ANKFN1: variants seen among roughly 807,000 people sequenced by gnomAD.
ANKFN1 encodes the protein ankyrin repeat and fibronectin type-III domain-containing protein 1.
In ANKFN1, 74 loss-of-function variants were observed where a neutral mutation model predicts 108.7. The ratio of observed to expected loss-of-function variants is 0.68; its 90% confidence interval spans 0.56 to 0.83. The LOEUF is 0.83. ANKFN1 is among the 40% of genes least tolerant of loss of function. The probability of loss-of-function intolerance (pLI) is 0.00; values close to 1 mark genes in which losing one functional copy is unlikely to be tolerated. For missense variants in ANKFN1, 1,505 were observed against 1,382.3 expected (o/e 1.09, Z -1.41); for synonymous variants, 547 against 516.2 (o/e 1.06, Z -0.81).
chr17:56,438,622 C>T (rs2048999993), intron 8 of ANKFN1, among the ~76,000 whole-genome samples: 1 of 152,094 alleles, frequency 6.6e-6, no homozygotes, highest in Non-Finnish European at 1.5e-5. Flanking sequence ...TGCAGTGGTA[C>T]AATCACAACT....
chr17:56,316,509 G>A (rs1378165976), intron 3 of ANKFN1, among the ~76,000 whole-genome samples: 2 of 152,050 alleles, frequency 1.3e-5, no homozygotes, highest in South Asian at 2.1e-4. Flanking sequence ...TGGAAAATAC[G>A]GAAGGCTTCT....
intron 8 of ANKFN1, among the ~76,000 whole-genome samples, chr17:56,420,868 C>T (rs868615715): frequency 2.4e-4 from 36 of 152,004 alleles, no homozygotes; most frequent in Middle Eastern, 3.4e-3. Context: ...CCACCGCGCC[C>T]GGCTAATTTT....
At chr17:56,190,568 G>A (rs1485057017) in intron 1 of ANKFN1, among the ~76,000 whole-genome samples, 3 of 131,770 alleles carry the variant, frequency 2.3e-5, no homozygotes, top group Non-Finnish European at 4.8e-5. Flanking sequence ...TTGCACTGTG[G>A]TCTGAGAGAT....
chr17:56,253,154 A>G (rs993249379), intron 3 of ANKFN1, among the ~76,000 whole-genome samples: 1 of 152,218 alleles, frequency 6.6e-6, no homozygotes, highest in African/African-American at 2.4e-5. Context: ...AACTAAATGC[A>G]CTGAAAAAGT....
At chr17:56,439,499 G>T (rs945599374) in intron 8 of ANKFN1, among the ~76,000 whole-genome samples, 4 of 152,208 alleles carry the variant, frequency 2.6e-5, no homozygotes, top group Non-Finnish European at 2.9e-5. Context: ...AAAATGGGGT[G>T]TTAGAATTTG....
At chr17:56,379,112 G>A (rs546170576) in intron 8 of ANKFN1, among the ~76,000 whole-genome samples, 48 of 152,170 alleles carry the variant, frequency 3.2e-4, no homozygotes, top group African/African-American at 1.0e-3. Flanking sequence ...ACATATAAAA[G>A]GTCAGGCCGG....
chr17:56,057,238 C>T (rs1208200887), intron 4 of ANKFN1, among the ~76,000 whole-genome samples: 1 of 152,138 alleles, frequency 6.6e-6, no homozygotes, highest in Non-Finnish European at 1.5e-5. Context: ...GGCTTGGATC[C>T]CTCAAAGTCA....
At chr17:56,393,828 C>A (rs1948314006) in intron 8 of ANKFN1, among the ~76,000 whole-genome samples, 1 of 152,188 alleles carries the variant, frequency 6.6e-6, no homozygotes, top group South Asian at 2.1e-4. Flanking sequence ...CTAGTCACCA[C>A]AAATGCAGCA....
intron 19 of ANKFN1, among the ~76,000 whole-genome samples, chr17:56,494,710 G>A (rs1311782834): frequency 6.6e-6 from 1 of 152,150 alleles, no homozygotes; most frequent in Admixed American, 6.5e-5. Flanking sequence ...TGGACTAGAT[G>A]ACTTCTGTGG....
chr17:56,342,773 T>G (rs894125410), intron 4 of ANKFN1, among the ~76,000 whole-genome samples: 22 of 151,926 alleles, frequency 1.4e-4, no homozygotes, highest in Non-Finnish European at 4.4e-5. Context: ...TATTCTGTTG[T>G]TCTGGGGTGG....
At chr17:56,460,835 A>G (rs1215608701) in intron 14 of ANKFN1, among the ~76,000 whole-genome samples, 2 of 152,062 alleles carry the variant, frequency 1.3e-5, no homozygotes, top group Non-Finnish European at 2.9e-5. Context: ...CTACCAAACT[A>G]TTCTCTTCCT....
intron 3 of ANKFN1, among the ~76,000 whole-genome samples, chr17:56,277,592 G>T (rs1295884629): frequency 6.6e-6 from 1 of 152,042 alleles, no homozygotes; most frequent in Non-Finnish European, 1.5e-5. Flanking sequence ...TGTCATTAAA[G>T]ATTAAAAAAC....
At chr17:56,266,831 T>C (rs2043665207) in intron 3 of ANKFN1, among the ~76,000 whole-genome samples, 1 of 152,218 alleles carries the variant, frequency 6.6e-6, no homozygotes, top group South Asian at 2.1e-4. Flanking sequence ...ATTAATCATT[T>C]TGTTTGTGTT....
chr17:56,326,463 A>T, intron 4 of ANKFN1, 108 bp downstream of exon 4: 2 of 1,393,382 alleles, frequency 1.4e-6, no homozygotes, highest in South Asian at 3.0e-5. Context: ...ATACTTAAAA[A>T]TCTGCATCTT....
intron 3 of ANKFN1, among the ~76,000 whole-genome samples, chr17:56,229,574 A>C (rs1916546158): frequency 6.7e-6 from 1 of 149,622 alleles, no homozygotes; most frequent in Non-Finnish European, 1.5e-5. Context: ...ATTTTAAGTC[A>C]CTATATGTAA....
intron 3 of ANKFN1, among the ~76,000 whole-genome samples, chr17:56,323,956 T>C (rs2045445233): frequency 6.6e-6 from 1 of 152,158 alleles, no homozygotes; most frequent in Admixed American, 6.5e-5. Context: ...GCAGGGACCC[T>C]AACAGCCTAG....
intron 13 of ANKFN1, among the ~76,000 whole-genome samples, 179 bp downstream of exon 13, chr17:56,457,568 C>T (rs1358603572): frequency 6.6e-6 from 1 of 152,158 alleles, no homozygotes; most frequent in Non-Finnish European, 1.5e-5. Context: ...ACCAAAGTAA[C>T]GTGTGCGCTA....
chr17:56,469,691 G>T (rs1032418331), intron 15 of ANKFN1, among the ~76,000 whole-genome samples: 2 of 152,142 alleles, frequency 1.3e-5, no homozygotes, highest in African/African-American at 4.8e-5. Flanking sequence ...AATGAAGATA[G>T]GTGAGTTAGT....
chr17:56,376,153 G>T (rs1200205104), intron 8 of ANKFN1, among the ~76,000 whole-genome samples: 1 of 152,134 alleles, frequency 6.6e-6, no homozygotes, highest in East Asian at 1.9e-4. Context: ...TGTTCAAGTA[G>T]TGCACATGCC....
Sources: allele counts gnomAD v4.1 joint callset (sites outside exome capture counted in the v4.1 genomes callset), GRCh38; gene constraint gnomAD v4.1.1; transcripts MANE v1.5; gene names NCBI Gene and HGNC (gene_info 2026-07-23, HGNC 2026-07-21).